Variants in CFAP70 observed in about 807,000 individuals in gnomAD.
The protein encoded by CFAP70 is cilia- and flagella-associated protein 70.
Under a neutral mutation model 137.6 loss-of-function variants are expected in CFAP70, and 81 were observed. That is an observed-to-expected ratio of 0.59 (90% CI 0.49 to 0.71). The LOEUF is 0.71. Ranked by LOEUF, CFAP70 falls within the 30% of genes least tolerant of loss-of-function variation. The pLI is 0.00. For missense variants in CFAP70, 976 were observed against 1,226.7 expected, an observed-to-expected ratio of 0.80 and a Z score of 3.05; for synonymous variants, 382 against 423.6, an observed-to-expected ratio of 0.90 and a Z score of 1.20.
chr10:73,356,414 G>A (rs189217385), intron 1 of CFAP70, among the ~76,000 whole-genome samples: 1 of 152,002 alleles, frequency 6.6e-6, no homozygotes, highest in South Asian at 2.1e-4. Flanking sequence ...GTCTAGGCTG[G>A]TCTCGACGGC....
At chr10:73,253,865 T>G in exon 27 of CFAP70, 2 of 809,572 alleles carry the variant, frequency 2.5e-6, no homozygotes, top group South Asian at 2.3e-5. Flanking sequence ...GGGTCTCTGT[T>G]TATAGTGAAG....
intron 25 of CFAP70, among the ~76,000 whole-genome samples, chr10:73,263,148 C>A (rs1487448718): frequency 6.6e-6 from 1 of 152,194 alleles, no homozygotes; most frequent in Non-Finnish European, 1.5e-5. Flanking sequence ...ATCACCCAGA[C>A]TGGAGTGTAG....
intron 25 of CFAP70, among the ~76,000 whole-genome samples, chr10:73,260,463 T>C (rs1302616630): frequency 6.6e-6 from 1 of 152,168 alleles, no homozygotes; most frequent in African/African-American, 2.4e-5. Flanking sequence ...ATCCATTTGT[T>C]TCTCATTTTG....
intron 3 of CFAP70, among the ~76,000 whole-genome samples, chr10:73,351,308 C>T (rs1347135208): frequency 1.3e-5 from 2 of 151,354 alleles, no homozygotes; most frequent in Non-Finnish European, 2.9e-5. Context: ...TTACTTGAGA[C>T]GGGGTTTCAC....
At chr10:73,305,425 C>G (rs1053913578) in intron 12 of CFAP70, among the ~76,000 whole-genome samples, 1 of 152,130 alleles carries the variant, frequency 6.6e-6, no homozygotes, top group African/African-American at 2.4e-5. Flanking sequence ...ATGCCCAGGA[C>G]AGGATGTATG....
At chr10:73,253,854 T>C (rs1203979504) in exon 27 of CFAP70, 1 of 667,226 alleles carries the variant, frequency 1.5e-6, no homozygotes. Context: ...AATAAATGAA[T>C]GGGTCTCTGT....
At chr10:73,309,335 A>G (rs534906322) in intron 12 of CFAP70, among the ~76,000 whole-genome samples, 2 of 152,318 alleles carry the variant, frequency 1.3e-5, no homozygotes, top group Admixed American at 1.3e-4. Context: ...TAAATTACAT[A>G]TATGTATATG....
At chr10:73,255,240 C>CA (rs1330279338) in intron 26 of CFAP70, among the ~76,000 whole-genome samples, 6 of 152,042 alleles carry the variant, frequency 3.9e-5, no homozygotes, top group South Asian at 2.1e-4. Context: ...ACTAAAAATA[C>CA]AAAAAATTAG....
intron 5 of CFAP70, 50 bp downstream of exon 6, chr10:73,345,015 G>T: frequency 1.4e-6 from 2 of 1,478,092 alleles, no homozygotes; most frequent in South Asian, 1.2e-5. Context: ...ATGGCCATAT[G>T]AGTACAGACA....
Position 73,354,850 on chromosome 10 carries a change from A to T in CFAP70, c.-39-15T>A. 6.7e-7 allele frequency: 1 copy of T among 1,487,400 alleles called. No individual in the cohort carries two copies. The highest frequency in any genetic ancestry group is 9.4e-7 in the Non-Finnish European group (1 of 1,066,740). The allele number at this position is 1,487,400 out of a possible 1,614,324, so 92.1% of individuals were successfully genotyped here. A position where few individuals can be genotyped will look rare whatever the true frequency, so the allele number is the denominator to read the frequency against. ...TTCTTTGGTCTCTGTAAACAGAATG[A>T]ATCAACCTGTCCCCTCATGTACCAC... On this transcript the variant is annotated splice_polypyrimidine_tract_variant and intron_variant, in intron 1 of 26. Transcript: ENST00000310715.
intron 3 of CFAP70, among the ~76,000 whole-genome samples, chr10:73,349,137 A>G (rs2053974815): frequency 6.6e-6 from 1 of 152,176 alleles, no homozygotes; most frequent in South Asian, 2.1e-4. Context: ...TTACTAGGTC[A>G]AAATCCTTAG....
At chr10:73,336,042 G>A (rs1303193236) in intron 6 of CFAP70, among the ~76,000 whole-genome samples, 1 of 151,672 alleles carries the variant, frequency 6.6e-6, no homozygotes, top group African/African-American at 2.4e-5. Context: ...TCACGAGGCT[G>A]AGGCAGGAGG....
chr10:73,269,785 A>G, intron 24 of CFAP70, 70 bp from the exon 26 acceptor site: 1 of 884,026 alleles, frequency 1.1e-6, no homozygotes, highest in Non-Finnish European at 1.9e-6. Context: ...ACTGGTGTAT[A>G]TGACCTATAC....
Position 73,256,605 on chromosome 10 carries a change from T to A in CFAP70, c.3028-189A>T, listed in dbSNP as rs544576960. 9.3e-4 allele frequency among the ~76,000 whole-genome samples: 142 copies of A among 152,106 alleles called. 1 individual carries two copies. The highest frequency in any genetic ancestry group is 3.0e-3 in the African/African-American group (126 of 41,520). On this transcript the variant is annotated intron_variant, in intron 25 of 26. Transcript: ENST00000310715. The stretch of plus-strand genomic sequence containing the variant: ...GTGGTAGGGAGAAAAAGGTTTTTTT[T>A]TTAAAAAATTCCTCCTGGCCAGGCG...
At chr10:73,322,076 A>G (rs1305799622) in intron 9 of CFAP70, among the ~76,000 whole-genome samples, 3 of 152,078 alleles carry the variant, frequency 2.0e-5, no homozygotes, top group Non-Finnish European at 4.4e-5. Context: ...GAGCCACCAC[A>G]CCCAGTCACA....
At chr10:73,329,974 C>A (rs1476651780) in intron 8 of CFAP70, among the ~76,000 whole-genome samples, 1 of 152,076 alleles carries the variant, frequency 6.6e-6, no homozygotes, top group Non-Finnish European at 1.5e-5. Context: ...ACTTTCATTG[C>A]AAAGATGAAG....
upstream of CFAP70, among the ~76,000 whole-genome samples, chr10:73,362,636 C>T (rs1045841715): frequency 3.3e-5 from 5 of 152,120 alleles, no homozygotes; most frequent in Non-Finnish European, 7.4e-5. Context: ...TATCCTGCAA[C>T]TTTACTGAAT....
At chr10:73,265,202 G>A (rs2045640123) in intron 25 of CFAP70, among the ~76,000 whole-genome samples, 1 of 152,034 alleles carries the variant, frequency 6.6e-6, no homozygotes, top group South Asian at 2.1e-4. Context: ...GCCGGCGCCT[G>A]TAGTTCCAGC....
Position 73,345,245 on chromosome 10 carries a change from C to T in CFAP70, c.350-131G>A. On this transcript the variant is annotated intron_variant, in intron 4 of 26. Coordinates refer to ENST00000310715, the Ensembl canonical transcript of CFAP70. ...ATACTTTAACTTCAAGACTGCACTG[C>T]TGTAAAAGAATAAAATTATGCAGCA... 6.2e-7 allele frequency: 1 copy of T among 1,608,522 alleles called. No homozygotes were observed. Among genetic ancestry groups the T allele is most frequent in the Non-Finnish European group, 8.5e-7 (1 of 1,177,384 alleles).
Sources: gnomAD v4.1 joint callset for allele counts (sites outside exome capture counted in the v4.1 genomes callset) on GRCh38, gnomAD v4.1.1 for gene constraint, MANE v1.5 for transcripts, NCBI Gene and HGNC (gene_info 2026-07-23, HGNC 2026-07-21) for gene names.